Variants in MAP2K6 observed in about 807,000 individuals in gnomAD.
The protein encoded by MAP2K6 is mitogen-activated protein kinase kinase 6, also known as dual specificity mitogen-activated protein kinase kinase 6.
Under a neutral mutation model 53.7 loss-of-function variants are expected in MAP2K6, and 16 were observed. That is an observed-to-expected ratio of 0.30 (90% CI 0.20 to 0.45). The LOEUF is 0.45. MAP2K6 is among the 20% of genes least tolerant of loss of function. The pLI, the probability that MAP2K6 is intolerant of heterozygous loss-of-function variation, is 1.00. For missense variants in MAP2K6, 204 were observed against 411.9 expected (o/e 0.50, Z 4.37); for synonymous variants, 132 against 143.1 (o/e 0.92, Z 0.55).
intron 1 of MAP2K6, among the ~76,000 whole-genome samples, chr17:69,424,399 G>A (rs1413190745): frequency 1.3e-5 from 2 of 152,196 alleles, no homozygotes; most frequent in African/African-American, 4.8e-5. Context: ...GATTCTTTCT[G>A]TGCTCCAGAT....
chr17:69,486,975 G>C (rs1248532412), intron 1 of MAP2K6, among the ~76,000 whole-genome samples: 1 of 152,224 alleles, frequency 6.6e-6, no homozygotes, highest in Non-Finnish European at 1.5e-5. Context: ...GTTGGGCAAA[G>C]GTCGTGGCAA....
chr17:69,465,827 T>C (rs1459918506), intron 1 of MAP2K6, among the ~76,000 whole-genome samples: 1 of 150,780 alleles, frequency 6.6e-6, no homozygotes, highest in Non-Finnish European at 1.5e-5. Flanking sequence ...CCATGTTGGC[T>C]AGGCTGGTCT....
At chr17:69,517,472 A>T (rs762387284) in intron 3 of MAP2K6, 28 bp from the exon 4 acceptor site, 1 of 1,301,912 alleles carries the variant, frequency 7.7e-7, no homozygotes, top group Non-Finnish European at 1.1e-6. Flanking sequence ...TCTCTTTCCC[A>T]TTGCATTATT....
chr17:69,464,559 T>G (rs1041975132), intron 1 of MAP2K6, among the ~76,000 whole-genome samples: 4 of 151,994 alleles, frequency 2.6e-5, no homozygotes, highest in Non-Finnish European at 5.9e-5. Context: ...TTTTTGTATT[T>G]TTAGTAAAGA....
rs1911787198 is a variant in MAP2K6 at position 69,544,249 on chromosome 17, G to A, written c.*2496G>A. On this transcript the variant is annotated 3_prime_UTR_variant, in exon 12 of 12. Transcript: ENST00000590474. ...AAGGCATGTACCTGGGATACTGATA[G>A]GAAGTGTAGAACACCTTTTCCCCAG... 1 of 152,170 alleles carries A rather than the reference G, an allele frequency of 6.6e-6. No homozygotes were observed. The highest frequency in any genetic ancestry group is 2.4e-5 in the African/African-American group (1 of 41,434). The allele number at this position is 152,170 out of a possible 1,614,324, so 9.4% of individuals were successfully genotyped here.
rs1911937228 is a variant in MAP2K6, at chr17:69,547,877, G to T, written c.*6124G>T. On this transcript the variant is annotated 3_prime_UTR_variant, in exon 12 of 12. Coordinates refer to ENST00000590474, the MANE Select transcript of MAP2K6 (RefSeq NM_002758.4). The stretch of plus-strand genomic sequence containing the variant: ...TTTCTTTCTTTCTTTCTGTAGTGTG[G>T]TTTATACACAAGGAGAATCACGAAC... 1 of 152,116 alleles carries T rather than the reference G, an allele frequency of 6.6e-6. No individual in the cohort carries two copies. Among genetic ancestry groups the T allele is most frequent in the Non-Finnish European group, 1.5e-5 (1 of 68,028 alleles). 9.4% of individuals were successfully genotyped at this position (152,116 alleles called of 1,614,324 possible).
chr17:69,534,313 C>T (rs1324257003), intron 10 of MAP2K6, among the ~76,000 whole-genome samples: 2 of 152,176 alleles, frequency 1.3e-5, no homozygotes, highest in African/African-American at 2.4e-5. Flanking sequence ...TCAGACTTTG[C>T]CGCCTGTTAA....
intron 1 of MAP2K6, among the ~76,000 whole-genome samples, chr17:69,463,820 C>T (rs976097715): frequency 1.3e-5 from 2 of 151,834 alleles, no homozygotes; most frequent in African/African-American, 4.8e-5. Flanking sequence ...GAGTTCAAGA[C>T]CAGCCTGGCC....
intron 7 of MAP2K6, among the ~76,000 whole-genome samples, chr17:69,522,437 C>T (rs1333557309): frequency 6.6e-6 from 1 of 152,092 alleles, no homozygotes; most frequent in East Asian, 1.9e-4. Flanking sequence ...TGTGTATCTT[C>T]TAGCTTAAAG....
intron 1 of MAP2K6, among the ~76,000 whole-genome samples, chr17:69,418,590 G>A (rs371818252): frequency 5.3e-4 from 81 of 151,850 alleles, no homozygotes; most frequent in African/African-American, 1.5e-3. Flanking sequence ...AGTCTATTTC[G>A]TTCCCTCTTG....
chr17:69,467,174 G>A (rs1318722149), intron 1 of MAP2K6, among the ~76,000 whole-genome samples: 1 of 152,144 alleles, frequency 6.6e-6, no homozygotes, highest in Non-Finnish European at 1.5e-5. Flanking sequence ...TGCATCCTAG[G>A]CAGTAATAAA....
At chr17:69,434,211 T>C (rs868598739) in intron 1 of MAP2K6, 2 of 152,212 alleles carry the variant, frequency 1.3e-5, no homozygotes, top group South Asian at 4.1e-4. Context: ...GTAGTTTTCT[T>C]TAACTACCAT....
rs1912033748 is a variant in MAP2K6 at position 69,550,103 on chromosome 17, A to G, written c.*8350A>G. On this transcript the variant is annotated 3_prime_UTR_variant, in exon 12 of 12. Transcript: ENST00000590474. The stretch of plus-strand genomic sequence containing the variant: ...TATTTTTCCTTAAAAATACTGAGCT[A>G]TAAGAAGATTCAGAGAGTGGCATTA... The G allele has an allele frequency of 6.6e-6, 1 of 152,240 alleles. No individual in the cohort carries two copies. The highest frequency in any genetic ancestry group is 1.5e-5 in the Non-Finnish European group (1 of 68,042). 9.4% of individuals were successfully genotyped at this position (152,240 alleles called of 1,614,324 possible).
chr17:69,441,041 T>C (rs907425053), intron 1 of MAP2K6, among the ~76,000 whole-genome samples: 2 of 152,196 alleles, frequency 1.3e-5, no homozygotes, highest in African/African-American at 2.4e-5. Flanking sequence ...CTTTCTCAAA[T>C]GTCAGCCATT....
In MAP2K6 at chr17:69,472,569, G is replaced by A. The variant is rs189642978; in HGVS notation, c.17-33211G>A. 1.4e-4 allele frequency among the ~76,000 whole-genome samples: 21 copies of A among 152,246 alleles called. No homozygotes were observed. In the East Asian group the frequency reaches 3.9e-3, roughly 28 times the overall value. The stretch of plus-strand genomic sequence containing the variant: ...ATTGTCCCCATCTGAGTGAGTGTGG[G>A]TGAGGGTGGGTGCACCCTGAGACGG... On this transcript the variant is annotated intron_variant, in intron 1 of 11. Transcript: ENST00000590474.
intron 1 of MAP2K6, among the ~76,000 whole-genome samples, chr17:69,416,109 T>C (rs1905890973): frequency 6.6e-6 from 1 of 152,166 alleles, no homozygotes; most frequent in Non-Finnish European, 1.5e-5. Context: ...AGGTGTTAGA[T>C]ACTATTGAAT....
intron 1 of MAP2K6, among the ~76,000 whole-genome samples, chr17:69,484,964 A>C (rs947384149): frequency 6.6e-6 from 1 of 152,108 alleles, no homozygotes. Flanking sequence ...GATAATGGGT[A>C]TGGTGTTTTT....
chr17:69,509,358 T>G (rs900159526), intron 2 of MAP2K6, among the ~76,000 whole-genome samples: 1 of 152,248 alleles, frequency 6.6e-6, no homozygotes, highest in African/African-American at 2.4e-5. Flanking sequence ...GAGCAAATTT[T>G]AAGTGGAATT....
chr17:69,517,873 C>T (rs568187211), intron 4 of MAP2K6, among the ~76,000 whole-genome samples: 47 of 152,226 alleles, frequency 3.1e-4, no homozygotes, highest in South Asian at 2.1e-3. Flanking sequence ...TTTTACAAAA[C>T]TACCATGTCA....
Sources: allele counts gnomAD v4.1 joint callset (sites outside exome capture counted in the v4.1 genomes callset), GRCh38; gene constraint gnomAD v4.1.1; transcripts MANE v1.5; gene names NCBI Gene and HGNC (gene_info 2026-07-23, HGNC 2026-07-21).